Variants in LRRC28 observed in about 807,000 individuals in gnomAD.
LRRC28 encodes the protein leucine-rich repeat-containing protein 28.
In LRRC28, 39 loss-of-function variants were observed where a neutral mutation model predicts 45.7. The observed-to-expected ratio is 0.85, with a 90% CI of 0.66 to 1.12. The LOEUF (loss-of-function observed/expected upper bound fraction) is 1.12, where lower values mean the gene tolerates loss of function less well. Among genes scored for constraint, LRRC28 ranks in the 50% most tolerant of loss-of-function variants. The pLI, the probability that LRRC28 is intolerant of heterozygous loss-of-function variation, is 0.00. For synonymous variants in LRRC28, 206 were observed against 178.8 expected (o/e 1.15, Z -1.22); for missense variants, 435 against 438.5 (o/e 0.99, Z 0.07).
chr15:99,257,057 A>T (rs2081043404), intron 2 of LRRC28, among the ~76,000 whole-genome samples: 2 of 152,238 alleles, frequency 1.3e-5, no homozygotes, highest in African/African-American at 4.8e-5. Flanking sequence ...ATTGGCTTCA[A>T]GTATATGGCA....
Position 99,388,729 on chromosome 15 carries a change from G to T in LRRC28, c.*2627G>T, listed in dbSNP as rs1404933554. 6.6e-6 allele frequency: 1 copy of T among 152,174 alleles called. No individual in the cohort carries two copies. 9.4% of individuals were successfully genotyped at this position (152,174 alleles called of 1,614,324 possible). ...TTTTCTTGAGCAACAGTTACACTAG[G>T]TAGAAAAGTATTCACACAATAATAG... On this transcript the variant is annotated 3_prime_UTR_variant, in exon 10 of 10. Coordinates refer to ENST00000301981, the MANE Select transcript of LRRC28 (RefSeq NM_144598.5).
rs188875787 is a variant in LRRC28 at position 99,258,625 on chromosome 15, T to C, written c.168+2500T>C. Reference sequence around the variant, plus strand: ...AAAACTGTCTGTGAATGGGAACTTATGAATGATATCAAACCAATATGGCAG... The same window carrying C: ...AAAACTGTCTGTGAATGGGAACTTACGAATGATATCAAACCAATATGGCAG... On this transcript the variant is annotated intron_variant, in intron 2 of 9. Transcript: ENST00000301981. 785 of 755,018 alleles carry C rather than the reference T, an allele frequency of 1.0e-3. 4 individuals are homozygous for C. The highest frequency in any genetic ancestry group is 2.3e-3 in the Admixed American group (124 of 54,128). The allele number at this position is 755,018 out of a possible 1,614,324, so 46.8% of individuals were successfully genotyped here.
rs60428926 is a variant in LRRC28, at chr15:99,258,809, G to A, written c.168+2684G>A. The A allele has an allele frequency of 1.2e-3, 805 of 695,492 alleles. 6 individuals carry two copies. The African/African-American group carries it at 0.013, about 11-fold the overall frequency. 43.1% of individuals were successfully genotyped at this position (695,492 alleles called of 1,614,324 possible). On this transcript the variant is annotated intron_variant, in intron 2 of 9. Transcript: ENST00000301981. ...CACATTTGTTCCACGTGGCCTATTT[G>A]ATGAATATGGATCTAAAAAGAGCGA...
intron 2 of LRRC28, among the ~76,000 whole-genome samples, chr15:99,262,678 G>C (rs1003009990): frequency 6.6e-6 from 1 of 152,050 alleles, no homozygotes; most frequent in African/African-American, 2.4e-5. Context: ...GGGTCTTTCT[G>C]TGTTGCCCAG....
In LRRC28 at chr15:99,352,399, T is replaced by G; in HGVS notation, c.623T>G (p.Val208Gly). 6.2e-7 allele frequency: 1 copy of G among 1,614,030 alleles called. No homozygotes were observed. The highest frequency in any genetic ancestry group is 1.3e-5 in the African/African-American group (1 of 75,064). Reference protein sequence around the residue: ...DLGRSRELQYVYVDNNIHLKG... With the variant: ...DLGRSRELQYGYVDNNIHLKG... ...GGTCGATCTCGAGAACTACAGTATG[T>G]ATACGTGGATAACAACATTCACCTG... is the stretch of plus-strand genomic sequence containing the variant. The change falls in exon 7 of 10, where the codon GTA becomes GGA. Residue 208 changes from valine to glycine, a missense_variant. Val to Gly is a moderately radical substitution (Grantham distance 109). Transcript: ENST00000301981.
chr15:99,340,456 G>T (rs1244265354), intron 6 of LRRC28, among the ~76,000 whole-genome samples: 1 of 152,168 alleles, frequency 6.6e-6, no homozygotes, highest in Non-Finnish European at 1.5e-5. Flanking sequence ...TAATAAAAAA[G>T]TCCACACAGT....
At chr15:99,318,079 T>A (rs1384217985) in intron 5 of LRRC28, among the ~76,000 whole-genome samples, 1 of 152,178 alleles carries the variant, frequency 6.6e-6, no homozygotes, top group African/African-American at 2.4e-5. Context: ...TGTGTTCTCA[T>A]TAGAAGCATC....
chr15:99,275,549 G>A (rs2081595103), intron 2 of LRRC28, among the ~76,000 whole-genome samples: 1 of 152,180 alleles, frequency 6.6e-6, no homozygotes, highest in African/African-American at 2.4e-5. Flanking sequence ...GTTTTTCAGG[G>A]CTGCCGTGAC....
chr15:99,292,056 A>T (rs1305762821), intron 5 of LRRC28, among the ~76,000 whole-genome samples: 6 of 152,156 alleles, frequency 3.9e-5, no homozygotes, highest in Non-Finnish European at 7.3e-5. Flanking sequence ...TTTGCTCTCC[A>T]GTTTGGCTTC....
At chr15:99,349,565 A>G (rs1956805319) in intron 6 of LRRC28, among the ~76,000 whole-genome samples, 1 of 152,212 alleles carries the variant, frequency 6.6e-6, no homozygotes, top group South Asian at 2.1e-4. Context: ...CTCTGGAGGC[A>G]ATTTAGAAAA....
At chr15:99,335,003 A>G (rs1462880016) in intron 6 of LRRC28, among the ~76,000 whole-genome samples, 3 of 152,198 alleles carry the variant, frequency 2.0e-5, no homozygotes, top group African/African-American at 4.8e-5. Context: ...ATTAAAATCA[A>G]TGGAAGTAAT....
intron 9 of LRRC28, among the ~76,000 whole-genome samples, chr15:99,379,270 G>A (rs980073252): frequency 6.6e-6 from 1 of 152,142 alleles, no homozygotes; most frequent in African/African-American, 2.4e-5. Flanking sequence ...TCTTGGGAGG[G>A]TGTATGTGTC....
chr15:99,257,617 C>A (rs1332646814), intron 2 of LRRC28: 6 of 680,580 alleles, frequency 8.8e-6, no homozygotes, highest in Non-Finnish European at 1.7e-5. Flanking sequence ...TTGAGACTCA[C>A]CAGCCACAAG....
intron 5 of LRRC28, among the ~76,000 whole-genome samples, chr15:99,311,982 A>G (rs530536618): frequency 6.6e-6 from 1 of 152,338 alleles, no homozygotes; most frequent in Non-Finnish European, 1.5e-5. Flanking sequence ...TTGACCTGAA[A>G]TATATTGTGA....
chr15:99,342,512 A>G (rs1956548907), intron 6 of LRRC28, among the ~76,000 whole-genome samples: 1 of 152,266 alleles, frequency 6.6e-6, no homozygotes, highest in South Asian at 2.1e-4. Context: ...TTGTGAGAAT[A>G]AGATCCATAA....
intron 5 of LRRC28, among the ~76,000 whole-genome samples, chr15:99,312,508 G>T (rs948382691): frequency 6.6e-6 from 1 of 152,180 alleles, no homozygotes; most frequent in Middle Eastern, 3.4e-3. Context: ...CCTGCCTAAG[G>T]CTCTTTTACA....
rs554546235 is a variant in LRRC28 at position 99,289,708 on chromosome 15, T to C, written c.385+1757T>C. ...CAGCACTTTGGGAGGCCGAGGCGGG[T>C]GGATCATGAGGTCAGGAGATCGAGA... On this transcript the variant is annotated intron_variant, in intron 5 of 9. Coordinates refer to ENST00000301981, the MANE Select transcript of LRRC28 (RefSeq NM_144598.5). 6.8e-5 allele frequency among the ~76,000 whole-genome samples: 10 copies of C among 147,782 alleles called. No homozygotes were observed. The East Asian group carries it at 1.4e-3, about 21-fold the overall frequency.
At chr15:99,298,150 G>A (rs543862552) in intron 5 of LRRC28, among the ~76,000 whole-genome samples, 3 of 152,046 alleles carry the variant, frequency 2.0e-5, no homozygotes, top group Non-Finnish European at 4.4e-5. Context: ...TCCAGGGTGC[G>A]TTCCTTTGTG....
chr15:99,279,064 T>A (rs2081704037), intron 3 of LRRC28, among the ~76,000 whole-genome samples: 1 of 152,212 alleles, frequency 6.6e-6, no homozygotes, highest in Non-Finnish European at 1.5e-5. Context: ...GTATACACTT[T>A]CCCACAATCC....
Sources: allele counts gnomAD v4.1 joint callset (sites outside exome capture counted in the v4.1 genomes callset), GRCh38; gene constraint gnomAD v4.1.1; transcripts MANE v1.5; gene names NCBI Gene and HGNC (gene_info 2026-07-23, HGNC 2026-07-21).